SLC20A2: variants seen among roughly 807,000 people sequenced by gnomAD.
SLC20A2 encodes sodium-dependent phosphate transporter 2.
SLC20A2 carries 30 observed loss-of-function variants against 61.0 expected under a neutral mutation model. That is an observed-to-expected ratio of 0.49 (90% confidence interval 0.37 to 0.67). The LOEUF is 0.67. SLC20A2 is among the 30% of genes least tolerant of loss of function. The pLI, the probability that SLC20A2 is intolerant of heterozygous loss-of-function variation, is 0.00. For synonymous variants in SLC20A2, 351 were observed against 353.3 expected (o/e 0.99, Z 0.07); for missense variants, 626 against 866.4 (o/e 0.72, Z 3.48).
intron 1 of SLC20A2, among the ~76,000 whole-genome samples, chr8:42,538,936 CT>C (rs1339526127): frequency 6.6e-6 from 1 of 152,170 alleles, no homozygotes; most frequent in African/African-American, 2.4e-5. Context: ...AATCCCAGCA[CT>C]TTGGGAGGCT....
chr8:42,513,424 G>A (rs947595551), intron 1 of SLC20A2, among the ~76,000 whole-genome samples: 1 of 152,126 alleles, frequency 6.6e-6, no homozygotes, highest in Non-Finnish European at 1.5e-5. Flanking sequence ...CAATGTTTGG[G>A]GGTATTTTAA....
intron 1 of SLC20A2, among the ~76,000 whole-genome samples, chr8:42,531,105 C>T (rs112970895): frequency 6.6e-6 from 1 of 152,180 alleles, no homozygotes; most frequent in Non-Finnish European, 1.5e-5. Context: ...CTATCATTCA[C>T]GTATTAATAT....
intron 8 of SLC20A2, among the ~76,000 whole-genome samples, chr8:42,435,591 C>T (rs890328239): frequency 6.6e-6 from 1 of 152,130 alleles, no homozygotes; most frequent in Non-Finnish European, 1.5e-5. Context: ...CAGGAGGCCG[C>T]CCTGCTTCCT....
At chr8:42,426,351 G>A (rs1326113981) in intron 10 of SLC20A2, among the ~76,000 whole-genome samples, 1 of 152,170 alleles carries the variant, frequency 6.6e-6, no homozygotes, top group African/African-American at 2.4e-5. Context: ...TGCTCATACA[G>A]TTAGCTAAGT....
At chr8:42,485,025 C>T (rs1287274441) in intron 1 of SLC20A2, 3 of 228,338 alleles carry the variant, frequency 1.3e-5, no homozygotes, top group Admixed American at 5.1e-5. Context: ...AGTGAGCCCT[C>T]GAAACTGCGG....
intron 10 of SLC20A2, among the ~76,000 whole-genome samples, chr8:42,419,099 A>G (rs1802875002): frequency 6.6e-6 from 1 of 151,944 alleles, no homozygotes; most frequent in Non-Finnish European, 1.5e-5. Context: ...CAAAACTTAG[A>G]GAAAAGCTGC....
At chr8:42,497,921 C>T (rs1810049301) in intron 1 of SLC20A2, among the ~76,000 whole-genome samples, 1 of 152,148 alleles carries the variant, frequency 6.6e-6, no homozygotes, top group African/African-American at 2.4e-5. Flanking sequence ...GTGCTTCTAA[C>T]TCCTTTACAA....
At position 42,506,809 on chromosome 8, in the gene SLC20A2, C is replaced by A. The variant is rs143250178; in HGVS notation, c.-264-34155G>T. Among the ~76,000 whole-genome samples, 509 of 152,280 alleles carry A rather than the reference C, an allele frequency of 3.3e-3. 4 individuals carry two copies. The highest frequency in any genetic ancestry group is 0.012 in the African/African-American group (481 of 41,538). On this transcript the variant is annotated intron_variant, in intron 1 of 10. Coordinates refer to the SLC20A2 transcript ENST00000342228. ...ATGGCTGCTGTAAAGTCCCCCTATT[C>A]CTTCCTTACCCTAGGGAGTCCCTTC...
At chr8:42,433,018 T>C (rs1803981499) in intron 8 of SLC20A2, among the ~76,000 whole-genome samples, 1 of 152,240 alleles carries the variant, frequency 6.6e-6, no homozygotes. Flanking sequence ...ATAGCTCAAC[T>C]TGGTGTATTT....
chr8:42,485,484 A>G (rs1485132109), intron 1 of SLC20A2, among the ~76,000 whole-genome samples: 1 of 151,866 alleles, frequency 6.6e-6, no homozygotes, highest in Non-Finnish European at 1.5e-5. Flanking sequence ...TCTACTAAAA[A>G]TACAAAAATT....
At chr8:42,449,008 C>T (rs1417297630) in intron 5 of SLC20A2, among the ~76,000 whole-genome samples, 2 of 152,148 alleles carry the variant, frequency 1.3e-5, no homozygotes, top group African/African-American at 2.4e-5. Context: ...CACAGGACAG[C>T]GCCTGAATCA....
At chr8:42,439,736 C>T (rs1289988505) in intron 6 of SLC20A2, 83 bp from the exon 7 acceptor site, 2 of 1,047,508 alleles carry the variant, frequency 1.9e-6, no homozygotes, top group African/African-American at 1.6e-5. Flanking sequence ...GAATCTATAT[C>T]TTTATGCTTT....
At chr8:42,456,885 A>T (rs1406248466) in intron 5 of SLC20A2, among the ~76,000 whole-genome samples, 2 of 151,986 alleles carry the variant, frequency 1.3e-5, no homozygotes, top group African/African-American at 4.8e-5. Flanking sequence ...CATGGTTTGG[A>T]ACTGATTTTT....
chr8:42,522,678 C>T (rs1811655361), intron 1 of SLC20A2, among the ~76,000 whole-genome samples: 2 of 99,626 alleles, frequency 2.0e-5, no homozygotes, highest in Admixed American at 2.1e-4. Context: ...AGGACTCCAT[C>T]TCAAAAAAAA....
At chr8:42,436,846 G>A (rs1002329007) in intron 8 of SLC20A2, 143 bp downstream of exon 8, 12 of 708,952 alleles carry the variant, frequency 1.7e-5, no homozygotes, top group Admixed American at 2.9e-5. Flanking sequence ...CTGACTTATG[G>A]GTCTGTCCAC....
intron 9 of SLC20A2, among the ~76,000 whole-genome samples, chr8:42,429,527 G>C (rs1563443286): frequency 6.6e-6 from 1 of 152,214 alleles, no homozygotes. Flanking sequence ...TATTCTGAAA[G>C]TTCTGGAAGT....
At chr8:42,528,287 C>T (rs1199263358) in intron 1 of SLC20A2, among the ~76,000 whole-genome samples, 1 of 151,940 alleles carries the variant, frequency 6.6e-6, no homozygotes, top group African/African-American at 2.4e-5. Context: ...CGGTGAAACC[C>T]CGTCTCTACT....
At chr8:42,455,290 A>AGAGAGAGAGAGAGAGAGAGG in intron 5 of SLC20A2, among the ~76,000 whole-genome samples, 1 of 139,626 alleles carries the variant, frequency 7.2e-6, no homozygotes, top group African/African-American at 2.6e-5. Context: ...AGAGAGAGAG[A>AGAGAGAGAGAGAGAGAGAGG]GAGCGTGCGC....
rs371247567 is a variant in SLC20A2, at chr8:42,417,733, G to C, written c.*70C>G. 6.5e-6 allele frequency: 10 copies of C among 1,531,296 alleles called. No homozygotes were observed. The highest frequency in any genetic ancestry group is 9.0e-6 in the Non-Finnish European group (10 of 1,110,504). The allele number at this position is 1,531,296 out of a possible 1,614,324, so 94.9% of individuals were successfully genotyped here. A position where few individuals can be genotyped will look rare whatever the true frequency, so the allele number is the denominator to read the frequency against. On this transcript the variant is annotated 3_prime_UTR_variant, in exon 11 of 11. Transcript: ENST00000520262. ...CGGCCAGGATGTGTATGTGCGGCAC[G>C]AGCACACATGTCTCCCACACGCCAA...
Sources: allele counts gnomAD v4.1 joint callset (sites outside exome capture counted in the v4.1 genomes callset), GRCh38; gene constraint gnomAD v4.1.1; transcripts MANE v1.5; gene names NCBI Gene and HGNC (gene_info 2026-07-23, HGNC 2026-07-21).